NEGR1: variants seen among roughly 807,000 people sequenced by gnomAD.
NEGR1 encodes the protein neuronal growth regulator 1.
Under a neutral mutation model 40.9 loss-of-function variants are expected in NEGR1, and 10 were observed. The observed-to-expected ratio is 0.24, with a 90% confidence interval of 0.15 to 0.42. NEGR1 has a LOEUF of 0.42. NEGR1 is among the 10% of genes least tolerant of loss of function. NEGR1 has a pLI of 1.00. For missense variants in NEGR1, 352 were observed against 438.9 expected, an observed-to-expected ratio of 0.80 and a Z score of 1.77; for synonymous variants, 185 against 166.8, an observed-to-expected ratio of 1.11 and a Z score of -0.84.
intron 6 of NEGR1, among the ~76,000 whole-genome samples, chr1:71,545,965 T>C (rs1647881975): frequency 6.6e-6 from 1 of 151,726 alleles, no homozygotes; most frequent in South Asian, 2.1e-4. Context: ...TTGGAAATAT[T>C]ATGGCTCAAC....
At chr1:71,409,050 TAAAC>T (rs969215352) in intron 6 of NEGR1, 4 of 152,036 alleles carry the variant, frequency 2.6e-5, no homozygotes, top group African/African-American at 9.7e-5. Flanking sequence ...TATTTTTTAA[TAAAC>T]AAAGAGCAAA....
intron 1 of NEGR1, among the ~76,000 whole-genome samples, chr1:72,024,305 G>T (rs573237856): frequency 4.0e-5 from 6 of 150,644 alleles, no homozygotes; most frequent in African/African-American, 1.2e-4. Flanking sequence ...TGTTTTCATG[G>T]TTTTTTTTTC....
At chr1:71,927,055 T>G (rs1292565427) in intron 2 of NEGR1, among the ~76,000 whole-genome samples, 6 of 152,270 alleles carry the variant, frequency 3.9e-5, no homozygotes, top group Non-Finnish European at 8.8e-5. Context: ...AACAAGAATT[T>G]TACTAAAAGT....
At chr1:72,273,637 ACTTTAC>A (rs765342830) in intron 1 of NEGR1, among the ~76,000 whole-genome samples, 10 of 151,920 alleles carry the variant, frequency 6.6e-5, no homozygotes, top group Non-Finnish European at 1.0e-4. Context: ...ATCAAAGAAT[ACTTTAC>A]CTTTATTATG....
intron 2 of NEGR1, among the ~76,000 whole-genome samples, chr1:71,838,033 G>A (rs1156463783): frequency 6.6e-6 from 1 of 151,852 alleles, no homozygotes. Flanking sequence ...CATCCCATTT[G>A]TTCACATTGT....
chr1:71,503,227 G>C (rs1461096647), intron 6 of NEGR1, among the ~76,000 whole-genome samples: 1 of 152,052 alleles, frequency 6.6e-6, no homozygotes, highest in Non-Finnish European at 1.5e-5. Context: ...ATGAGGTTTG[G>C]GTGTGCCAAG....
intron 1 of NEGR1, among the ~76,000 whole-genome samples, chr1:72,149,302 C>G (rs1028924126): frequency 6.6e-6 from 1 of 152,078 alleles, no homozygotes; most frequent in Non-Finnish European, 1.5e-5. Flanking sequence ...ACTACCTCCC[C>G]CTGGGTCCCT....
intron 1 of NEGR1, among the ~76,000 whole-genome samples, chr1:72,107,101 C>T (rs982118344): frequency 4.0e-5 from 6 of 151,550 alleles, no homozygotes; most frequent in South Asian, 2.1e-4. Flanking sequence ...AATAATCACA[C>T]GTAATCTTAA....
chr1:71,689,206 A>C (rs1653168622), intron 4 of NEGR1, among the ~76,000 whole-genome samples: 1 of 152,216 alleles, frequency 6.6e-6, no homozygotes, highest in African/African-American at 2.4e-5. Context: ...AGAATTCACA[A>C]AGCAAAAGTC....
At chr1:71,811,140 G>T (rs544310433) in intron 2 of NEGR1, among the ~76,000 whole-genome samples, 1 of 151,998 alleles carries the variant, frequency 6.6e-6, no homozygotes, top group Admixed American at 6.6e-5. Flanking sequence ...CTGCACAAAA[G>T]GTGGATTATA....
chr1:71,407,292 G>A lies in NEGR1; in HGVS notation c.*154C>T. The A allele has an allele frequency of 6.7e-6, 4 of 592,838 alleles. No individual in the cohort carries two copies. Among genetic ancestry groups the A allele is most frequent in the Non-Finnish European group, 1.2e-5 (4 of 334,158 alleles). The allele number at this position is 592,838 out of a possible 1,614,324, so 36.7% of individuals were successfully genotyped here. A position where few individuals can be genotyped will look rare whatever the true frequency, so the allele number is the denominator to read the frequency against. ...CTAATCAAAAAAGAGTAGAATTAAA[G>A]TATTTACATAATGAGCAATTCTACA... is the stretch of plus-strand genomic sequence containing the variant. On this transcript the variant is annotated 3_prime_UTR_variant, in exon 7 of 7. Coordinates refer to ENST00000357731, the MANE Select transcript of NEGR1 (RefSeq NM_173808.3).
At chr1:71,557,979 T>C (rs1648307706) in intron 6 of NEGR1, among the ~76,000 whole-genome samples, 1 of 151,548 alleles carries the variant, frequency 6.6e-6, no homozygotes, top group Non-Finnish European at 1.5e-5. Flanking sequence ...CCCCTCTATT[T>C]GGATTTCTCT....
chr1:71,688,501 C>G lies in NEGR1; in HGVS notation c.667+9507G>C, dbSNP rs1244874850. ...GAGACAGAGTCTTGCTCTGTCGCCCCGAGCTGGAGTGCAATGGCACATTCT... is the reference window on the plus strand; with the variant it reads ...GAGACAGAGTCTTGCTCTGTCGCCCGGAGCTGGAGTGCAATGGCACATTCT... On this transcript the variant is annotated intron_variant, in intron 4 of 6. Coordinates refer to ENST00000357731, the MANE Select transcript of NEGR1 (RefSeq NM_173808.3). 7.2e-5 allele frequency among the ~76,000 whole-genome samples: 5 copies of G among 69,436 alleles called. No homozygotes were observed. In the East Asian group the frequency reaches 2.1e-3, roughly 29 times the overall value. 45.6% of individuals were successfully genotyped at this position (69,436 alleles called of 152,430 possible).
At chr1:71,466,061 T>C (rs977054910) in intron 6 of NEGR1, among the ~76,000 whole-genome samples, 2 of 152,030 alleles carry the variant, frequency 1.3e-5, no homozygotes, top group African/African-American at 4.8e-5. Context: ...ATTTCCTAGA[T>C]GTGTGACCAC....
intron 6 of NEGR1, among the ~76,000 whole-genome samples, chr1:71,513,605 C>G (rs1041660936): frequency 6.6e-6 from 1 of 152,148 alleles, no homozygotes; most frequent in Admixed American, 6.5e-5. Flanking sequence ...CTTAAAATAT[C>G]TCAAAGTCCT....
At chr1:72,147,140 A>G (rs1426287154) in intron 1 of NEGR1, among the ~76,000 whole-genome samples, 4 of 152,202 alleles carry the variant, frequency 2.6e-5, no homozygotes, top group African/African-American at 9.7e-5. Flanking sequence ...GGCAATAAAA[A>G]TTTTATTTTA....
At chr1:72,068,560 G>A (rs986461896) in intron 1 of NEGR1, among the ~76,000 whole-genome samples, 19 of 152,198 alleles carry the variant, frequency 1.2e-4, no homozygotes, top group African/African-American at 4.1e-4. Flanking sequence ...TATGTGGATG[G>A]GTGGATGGAC....
intron 3 of NEGR1, among the ~76,000 whole-genome samples, chr1:71,713,062 G>A (rs1654157841): frequency 6.6e-6 from 1 of 152,132 alleles, no homozygotes; most frequent in African/African-American, 2.4e-5. Context: ...GACTAATACA[G>A]CCAGTATATT....
At chr1:71,854,745 G>C (rs1659709836) in intron 2 of NEGR1, among the ~76,000 whole-genome samples, 1 of 151,980 alleles carries the variant, frequency 6.6e-6, no homozygotes, top group African/African-American at 2.4e-5. Context: ...AGCAAAGGGG[G>C]GAAAGTCCCT....
Sources: allele counts gnomAD v4.1 joint callset (sites outside exome capture counted in the v4.1 genomes callset), GRCh38; gene constraint gnomAD v4.1.1; transcripts MANE v1.5; gene names NCBI Gene and HGNC (gene_info 2026-07-23, HGNC 2026-07-21).